MLLT10: variants seen among roughly 807,000 people sequenced by gnomAD.
MLLT10 encodes the protein MLLT10 histone lysine methyltransferase DOT1L cofactor.
MLLT10 carries 30 observed loss-of-function variants against 129.1 expected under a neutral mutation model. That is an observed-to-expected ratio of 0.23 (90% CI 0.17 to 0.32). The LOEUF is 0.32. Among genes scored for constraint, MLLT10 ranks in the 10% least tolerant of loss-of-function variants. The probability of loss-of-function intolerance (pLI) is 1.00; values close to 1 mark genes in which losing one functional copy is unlikely to be tolerated. For synonymous variants in MLLT10, 490 were observed against 446.4 expected (o/e 1.10, Z -1.23); for missense variants, 1,119 against 1,268.3 (o/e 0.88, Z 1.79).
intron 9 of MLLT10, among the ~76,000 whole-genome samples, chr10:21,664,312 G>A (rs1426596930): frequency 6.9e-6 from 1 of 144,474 alleles, no homozygotes; most frequent in African/African-American, 2.5e-5. Context: ...TTTGCTTTTT[G>A]TTTGTTTGTT....
chr10:21,696,756 A>G (rs2054399267), intron 13 of MLLT10, among the ~76,000 whole-genome samples: 1 of 152,016 alleles, frequency 6.6e-6, no homozygotes, highest in Non-Finnish European at 1.5e-5. Context: ...CTCACTCCAT[A>G]ATTCTGGCCA....
At chr10:21,631,107 G>A (rs962192077) in intron 8 of MLLT10, among the ~76,000 whole-genome samples, 1 of 151,820 alleles carries the variant, frequency 6.6e-6, no homozygotes, top group Non-Finnish European at 1.5e-5. Context: ...TCAGGAGATC[G>A]AGACCATCCT....
At chr10:21,634,472 C>G (rs772165316) in intron 8 of MLLT10, among the ~76,000 whole-genome samples, 34 of 152,226 alleles carry the variant, frequency 2.2e-4, no homozygotes, top group Admixed American at 7.2e-4. Flanking sequence ...AAATTTGATC[C>G]CTTGGTTAAG....
At chr10:21,674,533 A>T (rs1228590185) in intron 11 of MLLT10, among the ~76,000 whole-genome samples, 1 of 152,190 alleles carries the variant, frequency 6.6e-6, no homozygotes, top group African/African-American at 2.4e-5. Flanking sequence ...TTATAAGACA[A>T]GTGAGTTGAT....
chr10:21,546,575 G>GTTT (rs1341984814), intron 3 of MLLT10, among the ~76,000 whole-genome samples: 2 of 111,804 alleles, frequency 1.8e-5, no homozygotes, highest in East Asian at 2.7e-4. Context: ...TGGCTAATTT[G>GTTT]TTTTTTTTTT....
chr10:21,602,896 ATT>A lies in MLLT10; in HGVS notation c.405+7464_405+7465del, dbSNP rs1409616357. Reference sequence around the variant, plus strand: ...AGGTGCCCTCCACCACGCCCGGCTAATTTTTTTTTGTATTTTTAGTAGAGACG... The same window carrying A: ...AGGTGCCCTCCACCACGCCCGGCTAATTTTTTTGTATTTTTAGTAGAGACG... On this transcript the variant is annotated intron_variant, in intron 5 of 22. Coordinates refer to ENST00000307729, the MANE Select transcript of MLLT10 (RefSeq NM_001195626.3). Among the ~76,000 whole-genome samples the A allele has an allele frequency of 2.0e-5, 3 of 149,400 alleles. No homozygotes were observed. The East Asian group carries it at 5.9e-4, about 29-fold the overall frequency.
chr10:21,729,195 GTTGT>G (rs2131566290), intron 16 of MLLT10, among the ~76,000 whole-genome samples: 1 of 152,158 alleles, frequency 6.6e-6, no homozygotes, highest in Admixed American at 6.5e-5. Context: ...TTAATTCTAT[GTTGT>G]TTTTCTTTTC....
At chr10:21,587,342 C>T (rs546035188) in intron 4 of MLLT10, among the ~76,000 whole-genome samples, 84 of 146,598 alleles carry the variant, frequency 5.7e-4, no homozygotes, top group African/African-American at 2.0e-3. Flanking sequence ...TGGCTTGAGT[C>T]TGGGAGGTCG....
intron 13 of MLLT10, among the ~76,000 whole-genome samples, chr10:21,689,561 A>ATATT (rs1554850022): frequency 1.1e-5 from 1 of 90,146 alleles, no homozygotes. Flanking sequence ...ATATATATAT[A>ATATT]TATGTATATA....
chr10:21,728,675 A>G (rs1274255620), intron 16 of MLLT10, among the ~76,000 whole-genome samples: 2 of 152,010 alleles, frequency 1.3e-5, no homozygotes, highest in African/African-American at 4.8e-5. Context: ...GACAATGGAG[A>G]GTAAGAGAAA....
intron 2 of MLLT10, among the ~76,000 whole-genome samples, chr10:21,537,074 C>G (rs1272565196): frequency 6.6e-6 from 1 of 152,068 alleles, no homozygotes; most frequent in Admixed American, 6.6e-5. Context: ...AGGTGTGAGT[C>G]ATTGCACCTG....
At chr10:21,604,339 C>G (rs1471329319) in intron 5 of MLLT10, among the ~76,000 whole-genome samples, 1 of 152,188 alleles carries the variant, frequency 6.6e-6, no homozygotes, top group East Asian at 1.9e-4. Context: ...TGGCTCAGGC[C>G]TGTAATCTCA....
chr10:21,534,831 G>C, intron 2 of MLLT10, 27 bp downstream of exon 2: 1 of 1,542,072 alleles, frequency 6.5e-7, no homozygotes, highest in Non-Finnish European at 8.7e-7. Context: ...CCGCCGGGGC[G>C]CGCCGGCCTG....
intron 8 of MLLT10, 85 bp downstream of exon 8, chr10:21,617,292 G>T: frequency 1.8e-6 from 1 of 563,460 alleles, no homozygotes; most frequent in Non-Finnish European, 2.9e-6. Context: ...TTACATTCTT[G>T]ATAGTTAAAT....
intron 9 of MLLT10, among the ~76,000 whole-genome samples, chr10:21,659,861 A>G (rs375758508): frequency 4.6e-4 from 70 of 152,130 alleles, no homozygotes; most frequent in African/African-American, 1.4e-3. Flanking sequence ...TTAGACCTCA[A>G]TAGGTTTGAA....
intron 10 of MLLT10, chr10:21,670,967 T>A (rs556473474): frequency 2.1e-5 from 7 of 333,306 alleles, no homozygotes; most frequent in African/African-American, 1.5e-4. Context: ...TATGGAATAA[T>A]GCTTAAAATT....
At chr10:21,621,349 A>C (rs1280773451) in intron 8 of MLLT10, among the ~76,000 whole-genome samples, 1 of 146,588 alleles carries the variant, frequency 6.8e-6, no homozygotes, top group Non-Finnish European at 1.5e-5. Flanking sequence ...GGTTCACGCC[A>C]TTTTCCTGCC....
intron 13 of MLLT10, among the ~76,000 whole-genome samples, chr10:21,707,244 G>A (rs933191614): frequency 2.1e-4 from 30 of 145,666 alleles, no homozygotes; most frequent in Admixed American, 2.8e-4. Flanking sequence ...CCAGGCTGGA[G>A]TGCAGTGGCG....
chr10:21,718,960 G>C (rs1011551350), intron 14 of MLLT10, among the ~76,000 whole-genome samples: 97 of 152,300 alleles, frequency 6.4e-4, no homozygotes, highest in Non-Finnish European at 3.2e-4. Flanking sequence ...CTGACCTCAT[G>C]ATCCACCCAC....
Sources: allele counts gnomAD v4.1 joint callset (sites outside exome capture counted in the v4.1 genomes callset), GRCh38; gene constraint gnomAD v4.1.1; transcripts MANE v1.5; gene names NCBI Gene and HGNC (gene_info 2026-07-23, HGNC 2026-07-21).